Variants in ZZZ3 observed in about 807,000 individuals in gnomAD.
ZZZ3 encodes ZZ-type zinc finger-containing protein 3.
In ZZZ3, 22 loss-of-function variants were observed where a neutral mutation model predicts 95.2. The observed-to-expected ratio is 0.23, with a 90% CI of 0.17 to 0.33. The LOEUF is 0.33. Ranked by LOEUF, ZZZ3 falls within the 10% of genes least tolerant of loss-of-function variation. ZZZ3 has a pLI of 1.00. For synonymous variants in ZZZ3, 335 were observed against 358.9 expected (o/e 0.93, Z 0.75); for missense variants, 885 against 1,066.5 (o/e 0.83, Z 2.37).
intron 1 of ZZZ3, among the ~76,000 whole-genome samples, chr1:77,646,841 C>T (rs1021725574): frequency 2.6e-5 from 4 of 152,148 alleles, no homozygotes; most frequent in Non-Finnish European, 5.9e-5. Context: ...CCCAAGCAAG[C>T]TCAGTGGTTT....
intron 1 of ZZZ3, among the ~76,000 whole-genome samples, chr1:77,673,765 A>T (rs1473634851): frequency 6.6e-6 from 1 of 152,126 alleles, no homozygotes; most frequent in Non-Finnish European, 1.5e-5. Flanking sequence ...ACTGTTCATA[A>T]ATGTTAAGTA....
In ZZZ3 at chr1:77,632,863, A is replaced by G; in HGVS notation, c.492T>C (p.Cys164=). Residue 164 remains cysteine, a synonymous_variant, in exon 5 of 15, where the codon TGT becomes TGC. Transcript: ENST00000370801. ...CACAATCATCCAGTATAAGACATCG[A>G]CAAGCTCGTTTAGTCCCTTGAAAAT... ...DADFQGTKRA[C]RCLILDDCEK... is the part of the protein sequence containing the mutation. 1 of 1,614,186 alleles carries G rather than the reference A, an allele frequency of 6.2e-7. No individual in the cohort carries two copies. Among genetic ancestry groups the G allele is most frequent in the Non-Finnish European group, 8.5e-7 (1 of 1,180,020 alleles).
At chr1:77,585,962 T>C (rs898402880) in intron 5 of ZZZ3, among the ~76,000 whole-genome samples, 2 of 152,334 alleles carry the variant, frequency 1.3e-5, no homozygotes, top group African/African-American at 4.8e-5. Flanking sequence ...ACTGCTAACA[T>C]TGAAGGGCAA....
At chr1:77,630,139 C>G (rs78761911) in intron 5 of ZZZ3, among the ~76,000 whole-genome samples, 2 of 152,096 alleles carry the variant, frequency 1.3e-5, no homozygotes, top group Non-Finnish European at 2.9e-5. Flanking sequence ...CTAAGACATA[C>G]GCTCTCCTTC....
At chr1:77,583,493 A>G (rs889655626) in intron 6 of ZZZ3, among the ~76,000 whole-genome samples, 2 of 152,198 alleles carry the variant, frequency 1.3e-5, no homozygotes, top group Non-Finnish European at 1.5e-5. Flanking sequence ...ACAAATCAAC[A>G]TATAGGCTCT....
chr1:77,597,768 A>C (rs530299869), intron 5 of ZZZ3, among the ~76,000 whole-genome samples: 34 of 152,196 alleles, frequency 2.2e-4, no homozygotes, highest in African/African-American at 7.7e-4. Flanking sequence ...CCAAGCGAAG[A>C]CTCAGGAGAC....
At chr1:77,575,632 A>T (rs1661856137) in intron 12 of ZZZ3, among the ~76,000 whole-genome samples, 1 of 152,244 alleles carries the variant, frequency 6.6e-6, no homozygotes, top group African/African-American at 2.4e-5. Flanking sequence ...GGAAAAAAGG[A>T]AAGTGAAAGA....
Position 77,637,256 on chromosome 1 carries a change from A to C in ZZZ3, c.-52+2193T>G, listed in dbSNP as rs1424678719. 2.0e-5 allele frequency among the ~76,000 whole-genome samples: 3 copies of C among 152,174 alleles called. No individual in the cohort carries two copies. The East Asian group carries it at 5.8e-4, about 29-fold the overall frequency. ...GATCCTAATAATAAAAAAATTTATA[A>C]ATAAGACCAAGGAAGCACCAAATGG... On this transcript the variant is annotated intron_variant, in intron 4 of 14. Coordinates refer to ENST00000370801, the MANE Select transcript of ZZZ3 (RefSeq NM_015534.6).
chr1:77,668,944 TAATTA>T (rs1671489592), intron 1 of ZZZ3, among the ~76,000 whole-genome samples: 1 of 151,910 alleles, frequency 6.6e-6, no homozygotes, highest in South Asian at 2.1e-4. Flanking sequence ...GTGAATTATT[TAATTA>T]ATCAAAACCA....
At chr1:77,578,926 G>GTTTTAA in intron 10 of ZZZ3, 57 bp from the exon 11 acceptor site, 1 of 1,133,690 alleles carries the variant, frequency 8.8e-7, no homozygotes, top group South Asian at 2.0e-5. Context: ...TACCTGAGTC[G>GTTTTAA]TTTTTAAAAA....
intron 5 of ZZZ3, among the ~76,000 whole-genome samples, chr1:77,621,241 C>G (rs1666822864): frequency 6.6e-6 from 1 of 151,766 alleles, no homozygotes; most frequent in South Asian, 2.1e-4. Context: ...AACTGTAATC[C>G]CAAGACTTTG....
At chr1:77,597,145 A>G (rs889113889) in intron 5 of ZZZ3, among the ~76,000 whole-genome samples, 5 of 152,130 alleles carry the variant, frequency 3.3e-5, no homozygotes, top group African/African-American at 1.2e-4. Context: ...TCAAAAAACA[A>G]CAAAAAAAGA....
At chr1:77,651,104 C>A (rs2100964523) in intron 1 of ZZZ3, among the ~76,000 whole-genome samples, 1 of 152,278 alleles carries the variant, frequency 6.6e-6, no homozygotes, top group South Asian at 2.1e-4. Context: ...AATGTTCTTG[C>A]TGAGCATGGT....
At chr1:77,579,298 C>T (rs1557694261) in intron 10 of ZZZ3, among the ~76,000 whole-genome samples, 1 of 152,038 alleles carries the variant, frequency 6.6e-6, no homozygotes, top group Admixed American at 6.6e-5. Context: ...AAATTAAGTC[C>T]ATTATATGTT....
Position 77,565,769 on chromosome 1 carries a change from A to T in ZZZ3, c.2583T>A (p.Asp861Glu). ...CTAATTGGTGATCTTCCTTGTGAAT[A>T]TCTGTTTCATGTAGACTGTAAAGAA... Reference protein sequence around the residue: ...DSCSDCLHETDIHKEDHQLEP... With the variant: ...DSCSDCLHETEIHKEDHQLEP... The change falls in exon 15 of 15, where the codon GAT becomes GAA. Residue 861 changes from aspartate (D) to glutamate (E), a missense_variant. Around this residue, in one of 5 missense-constraint regions of ZZZ3, gnomAD observed 221 missense variants for 247.8 expected, o/e 0.89. Coordinates refer to ENST00000370801, the MANE Select transcript of ZZZ3 (RefSeq NM_015534.6). 6.2e-7 allele frequency: 1 copy of T among 1,613,104 alleles called. No homozygotes were observed. Among genetic ancestry groups the T allele is most frequent in the Non-Finnish European group, 8.5e-7 (1 of 1,179,512 alleles).
At chr1:77,606,651 A>G (rs1326804043) in intron 5 of ZZZ3, among the ~76,000 whole-genome samples, 2 of 152,206 alleles carry the variant, frequency 1.3e-5, no homozygotes, top group African/African-American at 2.4e-5. Context: ...AAGAAACTCT[A>G]TTTGAGAGAA....
chr1:77,644,357 G>A (rs947517181), intron 1 of ZZZ3, among the ~76,000 whole-genome samples: 5 of 152,254 alleles, frequency 3.3e-5, no homozygotes, highest in African/African-American at 7.2e-5. Context: ...GAGCCACCAC[G>A]CCCAGCCCAG....
chr1:77,657,597 C>T (rs2100996545), intron 1 of ZZZ3, among the ~76,000 whole-genome samples: 1 of 152,300 alleles, frequency 6.6e-6, no homozygotes, highest in East Asian at 1.9e-4. Context: ...AAGTGCCAGA[C>T]ATATTGATTT....
chr1:77,639,385 A>T, intron 4 of ZZZ3, 64 bp downstream of exon 4: 1 of 1,358,556 alleles, frequency 7.4e-7, no homozygotes, highest in Non-Finnish European at 9.8e-7. Flanking sequence ...CCCATCTCAA[A>T]AAAAAAAAAG....
Sources: gnomAD v4.1 joint callset for allele counts (sites outside exome capture counted in the v4.1 genomes callset) on GRCh38, gnomAD v4.1.1 for gene constraint, gnomAD v4.1.1 regional missense constraint, MANE v1.5 for transcripts, NCBI Gene and HGNC (gene_info 2026-07-23, HGNC 2026-07-21) for gene names.